Variants in GPA33 observed in about 807,000 individuals in gnomAD.
GPA33 encodes the protein cell surface A33 antigen.
A neutral mutation model predicts 35.6 loss-of-function variants in GPA33; 27 were observed. That is an observed-to-expected ratio of 0.76 (90% CI 0.56 to 1.04). The LOEUF is 1.04. Among genes scored for constraint, GPA33 ranks in the 50% least tolerant of loss-of-function variants. GPA33 has a pLI of 0.00. For missense variants in GPA33, 428 were observed against 411.9 expected (o/e 1.04, Z -0.34); for synonymous variants, 176 against 164.0 (o/e 1.07, Z -0.56).
intron 1 of GPA33, among the ~76,000 whole-genome samples, chr1:167,082,722 G>C (rs1016752714): frequency 2.8e-4 from 42 of 152,188 alleles, no homozygotes; most frequent in Admixed American, 3.9e-4. Flanking sequence ...GTGAGCTCTA[G>C]CCAACAGATA....
chr1:167,055,730 G>C lies in GPA33; in HGVS notation c.691C>G (p.Pro231Ala). 1 of 1,613,930 alleles carries C rather than the reference G, an allele frequency of 6.2e-7. No homozygotes were observed. Among genetic ancestry groups the C allele is most frequent in the Non-Finnish European group, 8.5e-7 (1 of 1,179,972 alleles). The change falls in exon 5 of 7, where the codon CCC becomes GCC. Residue 231 changes from proline to alanine, a missense_variant and splice_region_variant. Transcript: ENST00000367868. ...FCNITVAVRS[P>A]SMNVALYVGI... The stretch of plus-strand genomic sequence containing the variant: ...CCCTCCCCCCGCAGGCTGCTCTTAC[G>C]AGATCTGACGGCCACCGTGATGTTG...
chr1:167,063,254 C>G (rs1666503310), intron 4 of GPA33, among the ~76,000 whole-genome samples: 2 of 152,082 alleles, frequency 1.3e-5, no homozygotes, highest in Non-Finnish European at 2.9e-5. Context: ...ATGGTGAAAC[C>G]CCGTCTCTAC....
chr1:167,088,577 C>T (rs868385303), intron 1 of GPA33, among the ~76,000 whole-genome samples: 3 of 152,140 alleles, frequency 2.0e-5, no homozygotes, highest in Non-Finnish European at 2.9e-5. Context: ...GCCCAAGACT[C>T]GTTCTGCTGG....
At chr1:167,066,745 C>T (rs550987557) in intron 3 of GPA33, among the ~76,000 whole-genome samples, 33 of 152,208 alleles carry the variant, frequency 2.2e-4, no homozygotes, top group Non-Finnish European at 3.4e-4. Context: ...GGAGGGGAAA[C>T]GGAACCAGTC....
At position 167,055,019 on chromosome 1, in the gene GPA33, G is replaced by C. The variant is rs773004684; in HGVS notation, c.784C>G (p.Arg262Gly). 3 of 1,613,892 alleles carry C rather than the reference G, an allele frequency of 1.9e-6. No individual in the cohort carries two copies. The highest frequency in any genetic ancestry group is 8.5e-7 in the Non-Finnish European group (1 of 1,179,988). Residue 262 changes from arginine to glycine, a missense_variant, in exon 6 of 7, where the codon CGA (arginine) becomes GGA (glycine). Transcript: ENST00000367868. ...TCTTCAGTGTTGTCGTCCTTCCCTC[G>C]GCAGCAGCAGCAGTAGATGATGATG... is the stretch of plus-strand genomic sequence containing the variant. ...IGIIIYCCCC[R>G]GKDDNTEDKE...
At chr1:167,059,268 C>T (rs984345485) in intron 4 of GPA33, among the ~76,000 whole-genome samples, 7 of 152,134 alleles carry the variant, frequency 4.6e-5, no homozygotes, top group Admixed American at 2.0e-4. Context: ...CCTTTTCCTT[C>T]GGAAAGGGAC....
chr1:167,062,176 TTTTATTTTATTTTAC>T (rs1666468742), intron 4 of GPA33, among the ~76,000 whole-genome samples: 1 of 150,938 alleles, frequency 6.6e-6, no homozygotes, highest in African/African-American at 2.4e-5. Context: ...ATTTTATTTA[TTTTATTTTATTTTAC>T]TTTATTTTAT....
At chr1:167,081,177 G>T (rs1666936733) in intron 1 of GPA33, among the ~76,000 whole-genome samples, 1 of 152,222 alleles carries the variant, frequency 6.6e-6, no homozygotes, top group Non-Finnish European at 1.5e-5. Context: ...ATACGTTGGA[G>T]GATAATGAAA....
intron 1 of GPA33, among the ~76,000 whole-genome samples, chr1:167,085,859 G>A (rs1200386807): frequency 6.6e-6 from 1 of 152,192 alleles, no homozygotes; most frequent in Non-Finnish European, 1.5e-5. Flanking sequence ...CACCTAGACT[G>A]CACATCAGAA....
chr1:167,087,917 C>CACACACACACACACACACACACAT (rs1667086540), intron 1 of GPA33, among the ~76,000 whole-genome samples: 1 of 151,916 alleles, frequency 6.6e-6, no homozygotes, highest in African/African-American at 2.4e-5. Context: ...GTCTCACACA[C>CACACACACACACACACACACACAT]ACACACACAC....
At chr1:167,066,699 T>C (rs920875564) in intron 3 of GPA33, among the ~76,000 whole-genome samples, 1 of 152,200 alleles carries the variant, frequency 6.6e-6, no homozygotes, top group Non-Finnish European at 1.5e-5. Context: ...ATGCAGATGT[T>C]ACCTGAATAT....
At chr1:167,075,684 C>T (rs1216981471) in intron 1 of GPA33, among the ~76,000 whole-genome samples, 1 of 152,042 alleles carries the variant, frequency 6.6e-6, no homozygotes, top group Non-Finnish European at 1.5e-5. Context: ...TGGGAGTCAC[C>T]GGCTCTCCAT....
rs764355342 is a variant in GPA33 at position 167,090,329 on chromosome 1, C to A, written c.-42G>T. The A allele has an allele frequency of 5.4e-5, 84 of 1,559,812 alleles. No homozygotes were observed. The highest frequency in any genetic ancestry group is 7.2e-5 in the Non-Finnish European group (82 of 1,131,210). On this transcript the variant is annotated 5_prime_UTR_variant, in exon 1 of 7. Transcript: ENST00000367868. ...TGCCCTAAACCTAACCTGTCACTGG[C>A]AGCCTCCAGACAGGTCTGAGCTGTC... is the stretch of plus-strand genomic sequence containing the variant.
At chr1:167,082,806 G>C (rs12040348) in intron 1 of GPA33, among the ~76,000 whole-genome samples, 2 of 152,174 alleles carry the variant, frequency 1.3e-5, no homozygotes, top group African/African-American at 2.4e-5. Flanking sequence ...GCCATGTTCT[G>C]CCCATGCCTG....
At chr1:167,083,353 G>A (rs953913770) in intron 1 of GPA33, among the ~76,000 whole-genome samples, 9 of 152,158 alleles carry the variant, frequency 5.9e-5, no homozygotes. Context: ...GGGGCAGCCT[G>A]GAGGAGGAAG....
intron 4 of GPA33, among the ~76,000 whole-genome samples, chr1:167,062,160 A>T (rs1666467653): frequency 6.6e-6 from 1 of 151,556 alleles, no homozygotes; most frequent in Admixed American, 6.6e-5. Flanking sequence ...TTTCTTTTTA[A>T]AAAATATTTT....
At chr1:167,082,386 C>T (rs1666967172) in intron 1 of GPA33, 1 of 444,816 alleles carries the variant, frequency 2.2e-6, no homozygotes, top group Admixed American at 2.4e-5. Context: ...GTGAGGGCAG[C>T]CTATTTTGTC....
At chr1:167,072,544 T>G (rs981619440) in intron 2 of GPA33, among the ~76,000 whole-genome samples, 1 of 152,200 alleles carries the variant, frequency 6.6e-6, no homozygotes, top group Non-Finnish European at 1.5e-5. Flanking sequence ...TTTTAATAAT[T>G]TATTTTATAT....
chr1:167,072,334 G>A (rs1666737361), intron 2 of GPA33, among the ~76,000 whole-genome samples: 1 of 152,162 alleles, frequency 6.6e-6, no homozygotes, highest in African/African-American at 2.4e-5. Flanking sequence ...TTAAAGAAAT[G>A]TTAATTTGAT....
Sources: gnomAD v4.1 joint callset for allele counts (sites outside exome capture counted in the v4.1 genomes callset) on GRCh38, gnomAD v4.1.1 for gene constraint, MANE v1.5 for transcripts, NCBI Gene and HGNC (gene_info 2026-07-23, HGNC 2026-07-21) for gene names.